The following SCN3B variants were observed in gnomAD, a reference collection of about 807,000 sequenced individuals.
SCN3B encodes sodium channel regulatory subunit beta-3.
Under a neutral mutation model 25.4 loss-of-function variants are expected in SCN3B, and 11 were observed. The observed-to-expected ratio is 0.43, with a 90% CI of 0.27 to 0.72. SCN3B has a LOEUF of 0.72. Among genes scored for constraint, SCN3B ranks in the 30% least tolerant of loss-of-function variants. SCN3B has a pLI of 0.18. For synonymous variants in SCN3B, 109 were observed against 110.7 expected (o/e 0.99, Z 0.09); for missense variants, 218 against 278.3 (o/e 0.78, Z 1.54).
chr11:123,650,978 T>C (rs1955918488), intron 2 of SCN3B, among the ~76,000 whole-genome samples: 1 of 152,020 alleles, frequency 6.6e-6, no homozygotes. Context: ...ATCCTAGCAT[T>C]ATGGGAGGCT....
intron 4 of SCN3B, chr11:123,639,711 GT>G (rs1425089125): frequency 1.3e-5 from 2 of 152,168 alleles, no homozygotes; most frequent in African/African-American, 4.8e-5. Flanking sequence ...TGTTATAAGA[GT>G]TGTATTGTGC....
intron 2 of SCN3B, among the ~76,000 whole-genome samples, chr11:123,647,269 G>C (rs1012039206): frequency 4.6e-5 from 7 of 151,838 alleles, no homozygotes; most frequent in African/African-American, 9.7e-5. Flanking sequence ...TGATGTTAGG[G>C]GTCTGAGACA....
rs1233503661 is a variant in SCN3B at position 123,631,297 on chromosome 11, A to G, written c.*2502T>C. ...ACTTAGATACACGAGCTATTGGGCC[A>G]CCGAGGAAAACGGTGTGGTAGTAAG... is the stretch of plus-strand genomic sequence containing the variant. On this transcript the variant is annotated 3_prime_UTR_variant, in exon 7 of 7. Transcript: ENST00000299333. 1 of 152,174 alleles carries G rather than the reference A, an allele frequency of 6.6e-6. No homozygotes were observed. The highest frequency in any genetic ancestry group is 2.4e-5 in the African/African-American group (1 of 41,448). 9.4% of individuals were successfully genotyped at this position (152,174 alleles called of 1,614,324 possible).
Position 123,642,815 on chromosome 11 carries a change from A to C in SCN3B, c.220-144T>G. 1.4e-6 allele frequency: 1 copy of C among 718,484 alleles called. No individual in the cohort carries two copies. 44.5% of individuals were successfully genotyped at this position (718,484 alleles called of 1,614,324 possible). ...GGACAATGCCACCGGGAGACCCAGA[A>C]TGTGGGGGTGGGATGAAGAGGCACA... On this transcript the variant is annotated intron_variant, in intron 3 of 6. Transcript: ENST00000299333. This position sits in a 1 kb window ranked among gnomAD's most constrained non-coding sequence, Gnocchi z 4.3.
At position 123,643,671 on chromosome 11, in the gene SCN3B, C is replaced by T. The variant is rs117597320; in HGVS notation, c.220-1000G>A. Among the ~76,000 whole-genome samples the T allele has an allele frequency of 1.5e-3, 229 of 152,296 alleles. No homozygotes were observed. In the East Asian group the frequency reaches 0.015, roughly 10 times the overall value. On this transcript the variant is annotated intron_variant, in intron 3 of 6. Coordinates refer to ENST00000299333, the MANE Select transcript of SCN3B (RefSeq NM_001040151.2). ...GATTTCCATGGATGTTTTGCTGTTGCCGTTTTATTTTTCATTTTCTTCTTC... is the reference window on the plus strand; with the variant it reads ...GATTTCCATGGATGTTTTGCTGTTGTCGTTTTATTTTTCATTTTCTTCTTC...
intron 2 of SCN3B, among the ~76,000 whole-genome samples, chr11:123,652,684 A>G (rs1206320458): frequency 6.6e-6 from 1 of 152,214 alleles, no homozygotes; most frequent in Non-Finnish European, 1.5e-5. Context: ...CATGTAAAGC[A>G]ATCTGTCTGC....
Position 123,642,563 on chromosome 11 carries a change from C to T in SCN3B, c.328G>A (p.Val110Ile), listed in dbSNP as rs147205617. 2.2e-4 allele frequency: 356 copies of T among 1,614,148 alleles called. 4 individuals are homozygous for T. The East Asian group carries it at 2.9e-3, about 13-fold the overall frequency. ...TAGAGGCCAGAGTCGTTCAGAGTGACGTTGAGCACAGTGATGGACACGTCC... is the reference window on the plus strand; with the variant it reads ...TAGAGGCCAGAGTCGTTCAGAGTGATGTTGAGCACAGTGATGGACACGTCC... ...LQDVSITVLN[V>I]TLNDSGLYTC... The change falls in exon 4 of 7, where the codon GTC becomes ATC. Residue 110 changes from valine to isoleucine, a missense_variant. Transcript: ENST00000299333. This position sits in a 1 kb window ranked among gnomAD's most constrained non-coding sequence, Gnocchi z 4.3.
intron 5 of SCN3B, among the ~76,000 whole-genome samples, chr11:123,635,897 T>C (rs1435585675): frequency 6.6e-6 from 1 of 152,190 alleles, no homozygotes; most frequent in Non-Finnish European, 1.5e-5. Context: ...ACACTTATTA[T>C]CTGGCTGTCC....
Position 123,650,807 on chromosome 11 carries a change from C to T in SCN3B, c.55+2940G>A, listed in dbSNP as rs7936613. 1.7e-3 allele frequency among the ~76,000 whole-genome samples: 259 copies of T among 152,320 alleles called. 1 individual carries two copies. Among genetic ancestry groups the T allele is most frequent in the African/African-American group, 5.6e-3 (233 of 41,580 alleles). On this transcript the variant is annotated intron_variant, in intron 2 of 6. Coordinates refer to ENST00000299333, the MANE Select transcript of SCN3B (RefSeq NM_001040151.2). The stretch of plus-strand genomic sequence containing the variant: ...CCGAGCTCATTTTCTCATCTCTAAA[C>T]TGGAAATAGCACTCTTTCCCCTGAC...
chr11:123,650,798 A>C (rs1025256251), intron 2 of SCN3B, among the ~76,000 whole-genome samples: 3 of 152,222 alleles, frequency 2.0e-5, no homozygotes, highest in African/African-American at 7.2e-5. Context: ...TCATTTTCTC[A>C]TCTCTAAACT....
At chr11:123,638,891 C>T (rs917767456) in intron 4 of SCN3B, 4 of 180,606 alleles carry the variant, frequency 2.2e-5, no homozygotes, top group South Asian at 1.2e-4. Context: ...ATGAGATATG[C>T]GCATGTTCTC....
chr11:123,650,732 G>GA (rs1266646468), intron 2 of SCN3B, among the ~76,000 whole-genome samples: 2 of 152,168 alleles, frequency 1.3e-5, no homozygotes, highest in Non-Finnish European at 2.9e-5. Context: ...AGGAGCACTG[G>GA]AAGACTGAAA....
In SCN3B at chr11:123,633,337, C is replaced by A. The variant is rs546364596; in HGVS notation, c.*462G>T. On this transcript the variant is annotated 3_prime_UTR_variant, in exon 7 of 7. Transcript: ENST00000299333. The stretch of plus-strand genomic sequence containing the variant: ...TCAGGGAATCCAAGTTCATGACACA[C>A]TTTTGCTTTAACCCGAACTAATCAC... 6.6e-6 allele frequency: 1 copy of A among 152,390 alleles called. No homozygotes were observed. The highest frequency in any genetic ancestry group is 1.9e-4 in the East Asian group (1 of 5,190). The allele number at this position is 152,390 out of a possible 1,614,324, so 9.4% of individuals were successfully genotyped here. A position where few individuals can be genotyped will look rare whatever the true frequency, so the allele number is the denominator to read the frequency against.
In SCN3B at chr11:123,654,233, C is replaced by T. The variant is rs1248035797; in HGVS notation, c.-33G>A. On this transcript the variant is annotated 5_prime_UTR_variant, in exon 1 of 7. Coordinates refer to ENST00000299333, the MANE Select transcript of SCN3B (RefSeq NM_001040151.2). ...GGGTCCAGGTTGATTCACCTCTCGC[C>T]TCCCCAGGATCGGTTGCGTTCCGAC... 2 of 233,662 alleles carry T rather than the reference C, an allele frequency of 8.6e-6. No individual in the cohort carries two copies. Among genetic ancestry groups the T allele is most frequent in the South Asian group, 1.2e-4 (2 of 16,670 alleles). 14.5% of individuals were successfully genotyped at this position (233,662 alleles called of 1,614,324 possible). A position where few individuals can be genotyped will look rare whatever the true frequency, so the allele number is the denominator to read the frequency against.
chr11:123,638,411 A>T, intron 4 of SCN3B, 87 bp from the exon 5 acceptor site: 2 of 1,550,218 alleles, frequency 1.3e-6, no homozygotes, highest in Admixed American at 3.4e-5. Flanking sequence ...TACAGCTTAA[A>T]TAAAGACTGA....
intron 2 of SCN3B, among the ~76,000 whole-genome samples, chr11:123,651,378 T>G (rs1955924279): frequency 6.6e-6 from 1 of 152,008 alleles, no homozygotes; most frequent in Non-Finnish European, 1.5e-5. Flanking sequence ...TCTTTCTTTT[T>G]TTTTTGATGG....
intron 4 of SCN3B, 83 bp from the exon 5 acceptor site, chr11:123,638,407 TTAAA>T: frequency 4.5e-6 from 7 of 1,564,214 alleles, no homozygotes; most frequent in East Asian, 2.2e-5. Context: ...TAAGTACAGC[TTAAA>T]TAAAGACTGA....
At position 123,642,312 on chromosome 11, in the gene SCN3B, A is replaced by C; in HGVS notation, c.445+134T>G. On this transcript the variant is annotated intron_variant, in intron 4 of 6. Coordinates refer to ENST00000299333, the MANE Select transcript of SCN3B (RefSeq NM_001040151.2). This position sits in a 1 kb window ranked among gnomAD's most constrained non-coding sequence, Gnocchi z 4.3. ...CAGAAGAAGATGGGTCAATGGTGAC[A>C]TTTTTAGATGTCACCATTCCAAATA... The C allele has an allele frequency of 1.2e-6, 1 of 848,956 alleles. No homozygotes were observed. Among genetic ancestry groups the C allele is most frequent in the South Asian group, 1.4e-5 (1 of 71,004 alleles). The allele number at this position is 848,956 out of a possible 1,614,324, so 52.6% of individuals were successfully genotyped here.
At chr11:123,644,242 C>T (rs1394678348) in intron 3 of SCN3B, among the ~76,000 whole-genome samples, 2 of 152,190 alleles carry the variant, frequency 1.3e-5, no homozygotes, top group Non-Finnish European at 2.9e-5. Context: ...ATTCCAGAAA[C>T]TATTTTTAAT....
Sources: gnomAD v4.1 joint callset for allele counts (sites outside exome capture counted in the v4.1 genomes callset) on GRCh38, gnomAD v4.1.1 for gene constraint, Gnocchi (gnomAD v3.1) non-coding constraint, MANE v1.5 for transcripts, NCBI Gene and HGNC (gene_info 2026-07-23, HGNC 2026-07-21) for gene names.